ZNF385C: variants seen among roughly 807,000 people sequenced by gnomAD.
The protein encoded by ZNF385C is CTD-2132N18.2.
In ZNF385C, 28 loss-of-function variants were observed where a neutral mutation model predicts 35.4. The observed-to-expected ratio is 0.79, with a 90% CI of 0.59 to 1.08. The LOEUF (loss-of-function observed/expected upper bound fraction) is 1.08. Ranked by LOEUF, ZNF385C falls within the 50% of genes least tolerant of loss-of-function variation. The probability of loss-of-function intolerance (pLI) is 0.00; values close to 1 mark genes in which losing one functional copy is unlikely to be tolerated. For synonymous variants in ZNF385C, 248 were observed against 248.2 expected (o/e 1.00, Z 0.01); for missense variants, 605 against 595.6 (o/e 1.02, Z -0.16).
At chr17:42,047,066 C>T (rs1230995358) in intron 2 of ZNF385C, among the ~76,000 whole-genome samples, 15 of 132,864 alleles carry the variant, frequency 1.1e-4, no homozygotes, top group African/African-American at 3.5e-4. Flanking sequence ...CAATTTCACT[C>T]TGTCACCCAG....
At chr17:42,088,911 G>A (rs982389540) in intron 1 of ZNF385C, among the ~76,000 whole-genome samples, 18 of 151,784 alleles carry the variant, frequency 1.2e-4, no homozygotes, top group South Asian at 8.3e-4. Context: ...CTGCACCCTC[G>A]ACCTCCTGGC....
chr17:42,087,291 C>A (rs2053819011), intron 1 of ZNF385C, among the ~76,000 whole-genome samples: 1 of 152,132 alleles, frequency 6.6e-6, no homozygotes, highest in Non-Finnish European at 1.5e-5. Context: ...GGCATATATG[C>A]ACGCTGGGAC....
At chr17:42,087,983 C>T (rs1431450295) in intron 1 of ZNF385C, among the ~76,000 whole-genome samples, 2 of 152,164 alleles carry the variant, frequency 1.3e-5, no homozygotes, top group East Asian at 3.9e-4. Flanking sequence ...GTAGGCCATG[C>T]TCTATAGTCC....
chr17:42,027,554 G>GGGCCCCCC, intron 8 of ZNF385C, 64 bp downstream of exon 8: 6 of 556,882 alleles, frequency 1.1e-5, no homozygotes, highest in East Asian at 3.4e-5. Flanking sequence ...CCCCCATCTG[G>GGGCCCCCC]CCCTCCCAGC....
Position 42,027,602 on chromosome 17 carries a change from G to T in ZNF385C, c.1275+16C>A. ...CTCCTGACCCAGTCCCAGCTCTGTT[G>T]CCTGGAGACAGATACCTTGAGGATA... is the stretch of plus-strand genomic sequence containing the variant. On this transcript the variant is annotated intron_variant, in intron 8 of 8. Coordinates refer to ENST00000692273, the MANE Select transcript of ZNF385C (RefSeq NM_001392013.1). 2.1e-6 allele frequency: 2 copies of T among 962,008 alleles called. No homozygotes were observed. Among genetic ancestry groups the T allele is most frequent in the Non-Finnish European group, 2.9e-6 (2 of 701,280 alleles). The allele number at this position is 962,008 out of a possible 1,614,324, so 59.6% of individuals were successfully genotyped here.
intron 1 of ZNF385C, among the ~76,000 whole-genome samples, chr17:42,077,878 C>G (rs536302917): frequency 5.9e-5 from 9 of 152,298 alleles, no homozygotes; most frequent in Admixed American, 3.9e-4. Flanking sequence ...CCCCTCCCCC[C>G]ACATTTTGCC....
intron 2 of ZNF385C, among the ~76,000 whole-genome samples, chr17:42,051,740 T>C (rs2081375370): frequency 6.6e-6 from 1 of 152,232 alleles, no homozygotes; most frequent in Middle Eastern, 3.4e-3. Context: ...TACGCTGCTC[T>C]TCTGCAAAAG....
Position 42,028,453 on chromosome 17 carries a change from A to G in ZNF385C, c.968-207T>C, listed in dbSNP as rs1598177332. On this transcript the variant is annotated intron_variant, in intron 6 of 8. Transcript: ENST00000692273. ...CTATGAAAGGCCTTTCTGCACTACA[A>G]ATAGCTGCCTTCCCCTTTGCTTTGA... 1.9e-5 allele frequency: 11 copies of G among 593,608 alleles called. No homozygotes were observed. The East Asian group carries it at 3.2e-4, about 17-fold the overall frequency. 36.8% of individuals were successfully genotyped at this position (593,608 alleles called of 1,614,324 possible).
intron 2 of ZNF385C, chr17:42,040,601 C>T (rs1213003021): frequency 1.5e-5 from 18 of 1,232,414 alleles, no homozygotes; most frequent in Admixed American, 4.2e-5. Context: ...GCAAGGGCTG[C>T]AGCCTCCAGG....
At chr17:42,047,282 T>A (rs2053184448) in intron 2 of ZNF385C, among the ~76,000 whole-genome samples, 1 of 152,166 alleles carries the variant, frequency 6.6e-6, no homozygotes, top group Non-Finnish European at 1.5e-5. Context: ...TCCGCCCGCT[T>A]CAGCCTCCCA....
chr17:42,040,945 G>A (rs967522226), intron 2 of ZNF385C: 11 of 1,232,152 alleles, frequency 8.9e-6, no homozygotes, highest in African/African-American at 7.8e-5. Context: ...CAGCTTGGGT[G>A]CAGATACGCC....
chr17:42,079,607 A>C (rs2053727039), intron 1 of ZNF385C, among the ~76,000 whole-genome samples: 1 of 152,012 alleles, frequency 6.6e-6, no homozygotes, highest in South Asian at 2.1e-4. Flanking sequence ...TGAAGACCAC[A>C]GTGAGCTATT....
chr17:42,045,895 T>C (rs1471961971), intron 2 of ZNF385C, among the ~76,000 whole-genome samples: 4 of 152,122 alleles, frequency 2.6e-5, no homozygotes, highest in African/African-American at 9.7e-5. Flanking sequence ...TCTGAATACT[T>C]CTGTTAATAG....
chr17:42,042,618 G>A (rs906171822), intron 2 of ZNF385C, among the ~76,000 whole-genome samples: 2 of 152,204 alleles, frequency 1.3e-5, no homozygotes, highest in Admixed American at 6.5e-5. Flanking sequence ...GTGCCCCTGT[G>A]CCCGCTAAGA....
Position 42,027,127 on chromosome 17 carries a change from G to A in ZNF385C, c.1282C>T (p.Leu428=), listed in dbSNP as rs139267608. 232 of 1,613,338 alleles carry A rather than the reference G, an allele frequency of 1.4e-4. No homozygotes were observed. The highest frequency in any genetic ancestry group is 1.8e-4 in the Non-Finnish European group (212 of 1,179,824). ...TTGGTGAGTTGCTTCTGCAAGGCCA[G>A]TTTAGACTACACGGAAAAGAAAGGA... ...ALAVSILKSK[L]ALQKQLTKTL... Residue 428 remains leucine, a synonymous_variant, in exon 9 of 9, where the codon CTG becomes TTG. Transcript: ENST00000692273.
intron 1 of ZNF385C, among the ~76,000 whole-genome samples, chr17:42,066,414 C>T (rs1450652021): frequency 6.6e-6 from 1 of 152,160 alleles, no homozygotes; most frequent in Admixed American, 6.5e-5. Context: ...TGAGTGAAGT[C>T]TGTCACCCTG....
intron 1 of ZNF385C, among the ~76,000 whole-genome samples, chr17:42,090,751 G>A (rs2143952966): frequency 6.6e-6 from 1 of 152,234 alleles, no homozygotes; most frequent in South Asian, 2.1e-4. Flanking sequence ...GCACAGTGGT[G>A]GGCACCTGTA....
chr17:42,083,705 GTCTT>G (rs2053774061), intron 1 of ZNF385C, among the ~76,000 whole-genome samples: 1 of 58,308 alleles, frequency 1.7e-5, no homozygotes, highest in Non-Finnish European at 3.4e-5. Context: ...TGCTTTTCAA[GTCTT>G]TTTTTTTTTT....
chr17:42,028,784 T>A lies in ZNF385C; in HGVS notation c.966A>T (p.Thr322=). Residue 322 remains threonine, a splice_region_variant and synonymous_variant, in exon 6 of 9, where the codon ACA becomes ACT. Coordinates refer to ENST00000692273, the MANE Select transcript of ZNF385C (RefSeq NM_001392013.1). Reference sequence around the variant, plus strand: ...GCTCCAGCTCCTGGGACTACTGACCTGTGTTGTGAGCCTGAAGCTGGGAGG... The same window carrying A: ...GCTCCAGCTCCTGGGACTACTGACCAGTGTTGTGAGCCTGAAGCTGGGAGG... ...NSASQLQAHN[T]GAKHRWMMEG... is the part of the protein sequence containing the mutation. The A allele has an allele frequency of 6.5e-7, 1 of 1,549,314 alleles. No homozygotes were observed. Among genetic ancestry groups the A allele is most frequent in the Non-Finnish European group, 8.7e-7 (1 of 1,145,944 alleles).
Sources: allele counts gnomAD v4.1 joint callset (sites outside exome capture counted in the v4.1 genomes callset), GRCh38; gene constraint gnomAD v4.1.1; transcripts MANE v1.5; gene names NCBI Gene and HGNC (gene_info 2026-07-23, HGNC 2026-07-21).